Variants in ROS1 observed in about 807,000 individuals in gnomAD.
ROS1 encodes the protein ROS proto-oncogene 1, receptor tyrosine kinase, also known as proto-oncogene tyrosine-protein kinase ROS.
A neutral mutation model predicts 273.5 loss-of-function variants in ROS1; 263 were observed. That is an observed-to-expected ratio of 0.96 (90% CI 0.87 to 1.06). ROS1 has a LOEUF of 1.06. Ranked by LOEUF, ROS1 falls within the 50% of genes least tolerant of loss-of-function variation. The pLI is 0.00. For missense variants in ROS1, 2,833 were observed against 2,751.1 expected (o/e 1.03, Z -0.67); for synonymous variants, 1,008 against 954.1 (o/e 1.06, Z -1.04).
At position 117,344,045 on chromosome 6, in the gene ROS1, T is replaced by G. The variant is rs770633415; in HGVS notation, c.4506+15A>C. On this transcript the variant is annotated intron_variant, in intron 28 of 43. Transcript: ENST00000368507. ...CATCTTGTGAAAAGACAAAGACCAC[T>G]AGTTCCAATCTTACCAGAATTCTAT... The G allele has an allele frequency of 6.3e-7, 1 of 1,584,630 alleles. No individual in the cohort carries two copies. The highest frequency in any genetic ancestry group is 1.1e-5 in the South Asian group (1 of 90,442).
intron 43 of ROS1, among the ~76,000 whole-genome samples, chr6:117,294,548 C>T (rs1054128093): frequency 1.3e-5 from 2 of 152,204 alleles, no homozygotes; most frequent in African/African-American, 4.8e-5. Context: ...CATCTGTGTT[C>T]ATCAGGGATA....
chr6:117,398,254 T>C (rs1437490636), intron 7 of ROS1, among the ~76,000 whole-genome samples: 2 of 150,920 alleles, frequency 1.3e-5, no homozygotes, highest in Non-Finnish European at 2.9e-5. Flanking sequence ...GATGCGATCA[T>C]TGTCCAGGTC....
chr6:117,299,382 A>C (rs2128533783), intron 43 of ROS1: 1 of 151,900 alleles, frequency 6.6e-6, no homozygotes, highest in South Asian at 2.1e-4. Flanking sequence ...GGGTGATCTC[A>C]CTTCAACATC....
At position 117,359,697 on chromosome 6, in the gene ROS1, T is replaced by C; in HGVS notation, c.3633+112A>G. 5 of 849,244 alleles carry C rather than the reference T, an allele frequency of 5.9e-6. No individual in the cohort carries two copies. The South Asian group carries it at 8.3e-5, about 14-fold the overall frequency. 52.6% of individuals were successfully genotyped at this position (849,244 alleles called of 1,614,324 possible). On this transcript the variant is annotated intron_variant, in intron 24 of 43. Transcript: ENST00000368507. ...TAAATAATTATACAATATCTGTCCT[T>C]TTCATTCTAATCTTAATGACTAAAC...
intron 42 of ROS1, among the ~76,000 whole-genome samples, chr6:117,308,141 C>T (rs1307525732): frequency 6.6e-6 from 1 of 152,100 alleles, no homozygotes. Flanking sequence ...TGATACTTTC[C>T]ACAAGGAGGC....
chr6:117,367,067 C>G (rs114912606), intron 18 of ROS1, among the ~76,000 whole-genome samples: 2 of 152,038 alleles, frequency 1.3e-5, no homozygotes, highest in Non-Finnish European at 2.9e-5. Context: ...AAATGAAACC[C>G]GTAAAAACCA....
chr6:117,344,590 C>A (rs1778218426), intron 27 of ROS1, among the ~76,000 whole-genome samples: 2 of 152,126 alleles, frequency 1.3e-5, no homozygotes, highest in Non-Finnish European at 2.9e-5. Flanking sequence ...AGTTTGATTG[C>A]AGCCCAGACA....
intron 43 of ROS1, among the ~76,000 whole-genome samples, chr6:117,292,089 C>T (rs1403639541): frequency 1.3e-5 from 2 of 151,944 alleles, no homozygotes; most frequent in Admixed American, 6.6e-5. Context: ...CCTACCTCAG[C>T]CTCTCTAGTA....
chr6:117,326,478 T>G, intron 33 of ROS1, 64 bp from the exon 34 acceptor site: 1 of 995,616 alleles, frequency 1.0e-6, no homozygotes, highest in Non-Finnish European at 1.4e-6. Context: ...TAGTTGTTCA[T>G]AGATCTTCTT....
intron 31 of ROS1, among the ~76,000 whole-genome samples, chr6:117,338,938 T>A (rs1384399374): frequency 6.6e-6 from 1 of 152,150 alleles, no homozygotes; most frequent in Non-Finnish European, 1.5e-5. Context: ...AACTTATGGT[T>A]CTGCTAGGGA....
At position 117,329,347 on chromosome 6, in the gene ROS1, T is replaced by C. The variant is rs1253149587; in HGVS notation, c.5330A>G (p.Tyr1777Cys). 6.7e-7 allele frequency: 1 copy of C among 1,494,562 alleles called. No homozygotes were observed. The highest frequency in any genetic ancestry group is 9.3e-7 in the Non-Finnish European group (1 of 1,072,728). 92.6% of individuals were successfully genotyped at this position (1,494,562 alleles called of 1,614,324 possible). ...KAEDNGCRIT[Y>C]YILEIRKSTS... ...CACATACCTTATCTCAAGGATATAG[T>C]ATGTAATTCTACATCCATTATCTTC... The change falls in exon 33 of 44, where the codon TAC (tyrosine) becomes TGC (cysteine). Residue 1777 changes from tyrosine (Y) to cysteine (C), a missense_variant. Transcript: ENST00000368507.
At position 117,301,000 on chromosome 6, in the gene ROS1, C is replaced by T. The variant is rs368902897; in HGVS notation, c.6689G>A (p.Ser2230Asn). ...IYKSRDEANN[S>N]GVINESFEGE... ...TTCAAAGCTTTCATTTATGACTCCA[C>T]TGTTGTTTGCTTCATCTCTGGACTT... The change falls in exon 43 of 44, where the codon AGT (serine) becomes AAT (asparagine). Residue 2230 changes from serine to asparagine, a missense_variant. Transcript: ENST00000368507. The T allele has an allele frequency of 1.6e-5, 25 of 1,585,528 alleles. No individual in the cohort carries two copies. In the African/African-American group the frequency reaches 2.3e-4, roughly 15 times the overall value.
At chr6:117,414,174 T>C (rs1775155576) in intron 4 of ROS1, among the ~76,000 whole-genome samples, 2 of 152,260 alleles carry the variant, frequency 1.3e-5, no homozygotes, top group South Asian at 4.2e-4. Flanking sequence ...ATGTGCCTCT[T>C]CCTTCTCTCC....
Position 117,352,790 on chromosome 6 carries a change from G to C in ROS1, c.4303+200C>G, listed in dbSNP as rs566957403. ...TGTCTAAAGTTGCCCACCACACCCT[G>C]AGCTGTGTTTACACATAGAAGTAAT... On this transcript the variant is annotated intron_variant, in intron 27 of 43. Coordinates refer to ENST00000368507, the MANE Select transcript of ROS1 (RefSeq NM_001378902.1). Among the ~76,000 whole-genome samples the C allele has an allele frequency of 1.8e-3, 273 of 152,318 alleles. 3 individuals are homozygous for C. The highest frequency in any genetic ancestry group is 6.2e-3 in the African/African-American group (257 of 41,570).
rs1780149722 is a variant in ROS1, at chr6:117,365,601, C to T, written c.2938G>A (p.Glu980Lys). ...CATACCTTAGAATGAGCACTAAATT[C>T]TACACTGTAGAAAACTACACCCCAG... The part of the protein sequence containing the change: ...VDWGVVFYSV[E>K]FSAHSKFLAS... Residue 980 changes from glutamate to lysine, a missense_variant, in exon 20 of 44, where the codon GAA becomes AAA. By Grantham distance (56) the Glu-to-Lys change is moderately conservative. Transcript: ENST00000368507. 1 of 1,613,614 alleles carries T rather than the reference C, an allele frequency of 6.2e-7. No homozygotes were observed. Among genetic ancestry groups the T allele is most frequent in the East Asian group, 2.2e-5 (1 of 44,878 alleles).
chr6:117,301,708 A>G (rs1381708399), intron 42 of ROS1: 3 of 152,268 alleles, frequency 2.0e-5, no homozygotes, highest in Non-Finnish European at 4.4e-5. Context: ...ATAATGTATC[A>G]ACACATAAAG....
In ROS1 at chr6:117,383,329, A is replaced by T; in HGVS notation, c.2469T>A (p.Phe823Leu). 6.2e-7 allele frequency: 1 copy of T among 1,612,656 alleles called. No homozygotes were observed. The highest frequency in any genetic ancestry group is 1.1e-5 in the South Asian group (1 of 90,950). ...SSLVLQTQPW[F>L]SGKKVIALTL... ...TTTAATTTGTCACCTTTTTCCCAGA[A>T]AACCAAGGCTGTGTCTGTAGTACAA... Residue 823 changes from phenylalanine to leucine, a missense_variant, in exon 17 of 44, where the codon TTT (phenylalanine) becomes TTA (leucine). Coordinates refer to ENST00000368507, the MANE Select transcript of ROS1 (RefSeq NM_001378902.1).
At chr6:117,328,130 T>C (rs1317944076) in intron 33 of ROS1, among the ~76,000 whole-genome samples, 1 of 152,206 alleles carries the variant, frequency 6.6e-6, no homozygotes, top group Non-Finnish European at 1.5e-5. Flanking sequence ...CCCAAGTTCA[T>C]GCACTTTGCA....
intron 11 of ROS1, 21 bp from the exon 12 acceptor site, chr6:117,393,342 C>A (rs766573824): frequency 2.1e-6 from 3 of 1,412,272 alleles, no homozygotes; most frequent in Admixed American, 1.7e-5. Context: ...AAAAAATATA[C>A]CGGTAGGATT....
Sources: gnomAD v4.1 joint callset for allele counts (sites outside exome capture counted in the v4.1 genomes callset) on GRCh38, gnomAD v4.1.1 for gene constraint, MANE v1.5 for transcripts, NCBI Gene and HGNC (gene_info 2026-07-23, HGNC 2026-07-21) for gene names.